Variants in TMPRSS11A observed in about 807,000 individuals in gnomAD.
TMPRSS11A encodes transmembrane protease serine 11A.
A neutral mutation model predicts 58.9 loss-of-function variants in TMPRSS11A; 53 were observed. The observed-to-expected ratio is 0.90, with a 90% CI of 0.72 to 1.13. The LOEUF (loss-of-function observed/expected upper bound fraction) is 1.13, where lower values mean the gene tolerates loss of function less well. TMPRSS11A is among the 50% of genes most tolerant of loss of function. The pLI is 0.00. For synonymous variants in TMPRSS11A, 167 were observed against 169.8 expected, an observed-to-expected ratio of 0.98 and a Z score of 0.13; for missense variants, 493 against 499.3, an observed-to-expected ratio of 0.99 and a Z score of 0.12.
chr4:67,911,937 A>G (rs1719991556), intron 9 of TMPRSS11A, among the ~76,000 whole-genome samples: 1 of 152,092 alleles, frequency 6.6e-6, no homozygotes, highest in African/African-American at 2.4e-5. Flanking sequence ...TTACGTAGTT[A>G]GGGATTTAGT....
At chr4:67,928,946 G>T (rs1459928883) in intron 5 of TMPRSS11A, among the ~76,000 whole-genome samples, 1 of 152,214 alleles carries the variant, frequency 6.6e-6, no homozygotes, top group African/African-American at 2.4e-5. Context: ...CTTAGCGGAC[G>T]AGGGTAAACA....
Position 67,929,978 on chromosome 4 carries a change from TG to T in TMPRSS11A, c.382del (p.Gln128LysfsTer4). The T allele has an allele frequency of 6.2e-7, 1 of 1,613,690 alleles. No homozygotes were observed. The highest frequency in any genetic ancestry group is 8.5e-7 in the Non-Finnish European group (1 of 1,179,610). On this transcript the variant is annotated frameshift_variant, in exon 5 of 10. Transcript: ENST00000508048. LOFTEE classifies it high-confidence loss of function. ...IMVFQFPSTE[Q>X]RAVREKKIQS... is the part of the protein sequence containing the mutation. ...GATTTTCTTCTCTCTTACTGCCCTT[TG>T]TTCAGTAGAGGGGAACTGGAACACC...
intron 7 of TMPRSS11A, among the ~76,000 whole-genome samples, chr4:67,921,560 C>T (rs533817035): frequency 7.9e-5 from 12 of 152,192 alleles, no homozygotes; most frequent in Middle Eastern, 3.4e-3. Flanking sequence ...CCTCTTGCCT[C>T]GGCCTCCCAA....
At chr4:67,936,441 G>A (rs1305691249) in intron 3 of TMPRSS11A, among the ~76,000 whole-genome samples, 1 of 150,992 alleles carries the variant, frequency 6.6e-6, no homozygotes, top group African/African-American at 2.4e-5. Flanking sequence ...AGGCTTTTTG[G>A]CCTTCTTGGG....
intron 7 of TMPRSS11A, among the ~76,000 whole-genome samples, chr4:67,920,551 T>TATATA (rs58054364): frequency 1.5e-3 from 120 of 80,064 alleles, no homozygotes; most frequent in Admixed American, 3.4e-3. Flanking sequence ...ATATATATAT[T>TATATA]TTTTTTTATA....
At chr4:67,921,539 G>T (rs1304579776) in intron 7 of TMPRSS11A, among the ~76,000 whole-genome samples, 1 of 152,066 alleles carries the variant, frequency 6.6e-6, no homozygotes, top group Non-Finnish European at 1.5e-5. Flanking sequence ...GAACTCCTGA[G>T]CTCAAGTGGT....
At chr4:67,918,214 C>G (rs1241919107) in intron 8 of TMPRSS11A, among the ~76,000 whole-genome samples, 1 of 152,188 alleles carries the variant, frequency 6.6e-6, no homozygotes, top group Admixed American at 6.5e-5. Flanking sequence ...AACTCTCTAG[C>G]TTTTGTTATA....
At chr4:67,952,787 C>G (rs556485794) in intron 1 of TMPRSS11A, among the ~76,000 whole-genome samples, 1 of 152,272 alleles carries the variant, frequency 6.6e-6, no homozygotes, top group Non-Finnish European at 1.5e-5. Context: ...TCTTCTTCCC[C>G]CTAAGTGTGC....
chr4:67,925,240 A>G (rs1720436700), intron 5 of TMPRSS11A, among the ~76,000 whole-genome samples: 1 of 152,232 alleles, frequency 6.6e-6, no homozygotes. Flanking sequence ...ACTTGTATAC[A>G]TGTATCAAAG....
chr4:67,956,432 A>G (rs1721290531), intron 1 of TMPRSS11A, among the ~76,000 whole-genome samples: 1 of 152,190 alleles, frequency 6.6e-6, no homozygotes, highest in Admixed American at 6.5e-5. Flanking sequence ...TCATATCTCC[A>G]GTGGGTCAAT....
At chr4:67,925,573 C>T (rs1720445207) in intron 5 of TMPRSS11A, among the ~76,000 whole-genome samples, 1 of 152,112 alleles carries the variant, frequency 6.6e-6, no homozygotes. Flanking sequence ...TTCAAATATA[C>T]CCTTAAAGGC....
At chr4:67,930,695 C>T (rs1332828641) in intron 4 of TMPRSS11A, among the ~76,000 whole-genome samples, 1 of 150,918 alleles carries the variant, frequency 6.6e-6, no homozygotes, top group Non-Finnish European at 1.5e-5. Context: ...GTTCTGTTAC[C>T]TGAGGAACTA....
chr4:67,943,456 A>G (rs993333542), intron 3 of TMPRSS11A, among the ~76,000 whole-genome samples: 2 of 152,130 alleles, frequency 1.3e-5, no homozygotes, highest in African/African-American at 2.4e-5. Flanking sequence ...CTCTTTTTGC[A>G]TCGAGGAGGT....
chr4:67,962,593 T>C (rs918580521), intron 1 of TMPRSS11A, among the ~76,000 whole-genome samples: 2 of 152,218 alleles, frequency 1.3e-5, no homozygotes, highest in Non-Finnish European at 2.9e-5. Flanking sequence ...CACAAGGCTG[T>C]CTTGGCTATT....
At chr4:67,957,296 G>C (rs1721312474) in intron 1 of TMPRSS11A, among the ~76,000 whole-genome samples, 1 of 152,194 alleles carries the variant, frequency 6.6e-6, no homozygotes, top group Admixed American at 6.5e-5. Flanking sequence ...GGGCTGAGAA[G>C]AAGATAGGAA....
chr4:67,933,104 AACAC>A (rs34906854), intron 3 of TMPRSS11A, among the ~76,000 whole-genome samples: 5,147 of 150,128 alleles, frequency 0.034, 295 homozygotes, highest in African/African-American at 0.12. Flanking sequence ...GCATGACTGA[AACAC>A]ACACACACAC....
At chr4:67,922,219 C>T (rs1720348946) in intron 7 of TMPRSS11A, among the ~76,000 whole-genome samples, 1 of 152,204 alleles carries the variant, frequency 6.6e-6, no homozygotes, top group Non-Finnish European at 1.5e-5. Context: ...TGCTAGCAAT[C>T]TCTCATTTTG....
chr4:67,948,999 A>T (rs1043376274), intron 1 of TMPRSS11A, among the ~76,000 whole-genome samples: 1 of 152,168 alleles, frequency 6.6e-6, no homozygotes, highest in Admixed American at 6.5e-5. Context: ...GTATTAATCT[A>T]TTCATTCACT....
intron 1 of TMPRSS11A, among the ~76,000 whole-genome samples, chr4:67,959,154 A>G (rs1344034660): frequency 6.6e-6 from 1 of 152,236 alleles, no homozygotes; most frequent in East Asian, 1.9e-4. Context: ...GATGTTACAA[A>G]TCTGCCTTTA....
Sources: gnomAD v4.1 joint callset for allele counts (sites outside exome capture counted in the v4.1 genomes callset) on GRCh38, gnomAD v4.1.1 for gene constraint, MANE v1.5 for transcripts, NCBI Gene and HGNC (gene_info 2026-07-23, HGNC 2026-07-21) for gene names.